The following CHD5 variants were observed in gnomAD, a reference collection of about 807,000 sequenced individuals.
CHD5 encodes chromodomain helicase DNA binding protein 5.
Under a neutral mutation model 230.3 loss-of-function variants are expected in CHD5, and 69 were observed. That is an observed-to-expected ratio of 0.30 (90% CI 0.25 to 0.37). The LOEUF (loss-of-function observed/expected upper bound fraction) is 0.37, where lower values mean the gene tolerates loss of function less well. Among genes scored for constraint, CHD5 ranks in the 10% least tolerant of loss-of-function variants. The pLI, the probability that CHD5 is intolerant of heterozygous loss-of-function variation, is 1.00. For missense variants in CHD5, 1,827 were observed against 2,622.8 expected (o/e 0.70, Z 6.63); for synonymous variants, 1,064 against 1,065.9 (o/e 1.00, Z 0.03).
chr1:6,159,265 TAC>T, intron 3 of CHD5, 69 bp downstream of exon 3: 1 of 1,531,908 alleles, frequency 6.5e-7, no homozygotes, highest in African/African-American at 1.4e-5. Flanking sequence ...ACACAGAACA[TAC>T]AGGCAAGAGG....
At position 6,127,214 on chromosome 1, in the gene CHD5, G is replaced by A. The variant is rs536197808; in HGVS notation, c.3904-468C>T. 338 of 168,446 alleles carry A rather than the reference G, an allele frequency of 2.0e-3. 2 individuals carry two copies. Among genetic ancestry groups the A allele is most frequent in the African/African-American group, 7.7e-3 (321 of 41,694 alleles). 10.4% of individuals were successfully genotyped at this position (168,446 alleles called of 1,614,324 possible). A position where few individuals can be genotyped will look rare whatever the true frequency, so the allele number is the denominator to read the frequency against. On this transcript the variant is annotated intron_variant, in intron 25 of 41. Transcript: ENST00000262450. ...GAGAAAAGTGTGGGGTGGACCAGGCGTGGTGGCTCATTCCTTAACCCCAGA... is the reference window on the plus strand; with the variant it reads ...GAGAAAAGTGTGGGGTGGACCAGGCATGGTGGCTCATTCCTTAACCCCAGA...
At chr1:6,162,534 T>C (rs1667194212) in intron 2 of CHD5, among the ~76,000 whole-genome samples, 1 of 152,132 alleles carries the variant, frequency 6.6e-6, no homozygotes, top group African/African-American at 2.4e-5. Flanking sequence ...CTGGGCCGCC[T>C]TGCTGTGTCC....
At position 6,106,269 on chromosome 1, in the gene CHD5, C is replaced by T; in HGVS notation, c.*11G>A. 6.2e-7 allele frequency: 1 copy of T among 1,612,814 alleles called. No homozygotes were observed. Among genetic ancestry groups the T allele is most frequent in the Non-Finnish European group, 8.5e-7 (1 of 1,179,988 alleles). On this transcript the variant is annotated 3_prime_UTR_variant, in exon 41 of 42. Coordinates refer to ENST00000262450, the MANE Select transcript of CHD5 (RefSeq NM_015557.3). ...AATGAGCGCTGCAACACAGGGAAGT[C>T]TCGAGGACGGCTAGATATCTGTCAA...
intron 1 of CHD5, among the ~76,000 whole-genome samples, chr1:6,175,585 A>G (rs1667413038): frequency 6.7e-6 from 1 of 149,118 alleles, no homozygotes; most frequent in East Asian, 2.0e-4. Flanking sequence ...CAGATGAATG[A>G]ATGGTGGATG....
chr1:6,109,740 C>T (rs1276680371), intron 38 of CHD5, 55 bp downstream of exon 38: 22 of 1,500,278 alleles, frequency 1.5e-5, no homozygotes, highest in Admixed American at 3.6e-5. Flanking sequence ...CAAGAGCGCT[C>T]GCTGGGCAGG....
Position 6,105,576 on chromosome 1 carries a change from CG to C in CHD5, c.*47-150del. 1 of 337,612 alleles carries C rather than the reference CG, an allele frequency of 3.0e-6. No homozygotes were observed. Among genetic ancestry groups the C allele is most frequent in the South Asian group, 2.2e-5 (1 of 45,094 alleles). The allele number at this position is 337,612 out of a possible 1,614,324, so 20.9% of individuals were successfully genotyped here. A position where few individuals can be genotyped will look rare whatever the true frequency, so the allele number is the denominator to read the frequency against. ...CCATGACCTCCCAGCCACAGGCTGC[CG>C]GGCCAGGCCATGAGCTACACCCAGA... On this transcript the variant is annotated intron_variant, in intron 41 of 41. Coordinates refer to ENST00000262450, the MANE Select transcript of CHD5 (RefSeq NM_015557.3). The surrounding 1 kb of genome is among the most constrained non-coding windows in gnomAD (Gnocchi z 4.8).
Position 6,104,978 on chromosome 1 carries a change from G to T in CHD5, c.*496C>A. ...GTAGGGGACACTGAGGGCTCCTAGG[G>T]CACCGGGCGCCATGTCCTCCCCAGC... On this transcript the variant is annotated 3_prime_UTR_variant, in exon 42 of 42. Transcript: ENST00000262450. The T allele has an allele frequency of 4.9e-6, 1 of 205,236 alleles. No individual in the cohort carries two copies. Among genetic ancestry groups the T allele is most frequent in the Non-Finnish European group, 9.9e-6 (1 of 100,512 alleles). 12.7% of individuals were successfully genotyped at this position (205,236 alleles called of 1,614,324 possible).
chr1:6,107,521 C>G (rs111063516), intron 38 of CHD5, among the ~76,000 whole-genome samples: 21,208 of 53,972 alleles, frequency 0.39, 2,760 homozygotes, highest in East Asian at 0.62. Context: ...AGGGATGGAG[C>G]GGTGGAGAGA....
intron 33 of CHD5, among the ~76,000 whole-genome samples, chr1:6,120,578 C>A (rs925832789): frequency 4.0e-5 from 6 of 151,416 alleles, no homozygotes; most frequent in African/African-American, 1.5e-4. Flanking sequence ...CCGAGGCAGG[C>A]GGATCACGAG....
At chr1:6,148,824 C>T (rs1291003299) in intron 9 of CHD5, 30 bp downstream of exon 9, 10 of 1,422,084 alleles carry the variant, frequency 7.0e-6, no homozygotes, top group Non-Finnish European at 8.3e-6. Flanking sequence ...TGGGGCGGGG[C>T]GTCCGGCGCG....
Position 6,168,217 on chromosome 1 carries a change from A to C in CHD5, c.140T>G (p.Leu47Arg). The change falls in exon 2 of 42, where the codon CTT (leucine) becomes CGT (arginine). Residue 47 changes from leucine (L) to arginine (R), a missense_variant. Physicochemically the swap from Leu to Arg is moderately radical, Grantham distance 102. Transcript: ENST00000262450. ...DDFFPVEPVS[L>R]PKKKKPKKLK... The stretch of plus-strand genomic sequence containing the variant: ...CTTCTTGGGTTTCTTCTTCTTAGGA[A>C]GGCTCACGGGCTCCACAGGGAAAAA... The C allele has an allele frequency of 6.2e-7, 1 of 1,612,196 alleles. No homozygotes were observed. Among genetic ancestry groups the C allele is most frequent in the East Asian group, 2.2e-5 (1 of 44,804 alleles).
At chr1:6,127,317 T>C (rs1666574686) in intron 25 of CHD5, among the ~76,000 whole-genome samples, 1 of 151,960 alleles carries the variant, frequency 6.6e-6, no homozygotes, top group African/African-American at 2.4e-5. Flanking sequence ...CAAAGTCCCA[T>C]CTCTACTAAA....
At chr1:6,163,826 T>A (rs761146559) in intron 2 of CHD5, among the ~76,000 whole-genome samples, 1 of 152,188 alleles carries the variant, frequency 6.6e-6, no homozygotes, top group Non-Finnish European at 1.5e-5. Context: ...ACTGCAGGCA[T>A]GAAGATACAG....
intron 38 of CHD5, among the ~76,000 whole-genome samples, chr1:6,107,847 A>C (rs2100828846): frequency 9.2e-6 from 1 of 108,724 alleles, no homozygotes; most frequent in South Asian, 3.5e-4. Context: ...AGGATAATGG[A>C]GAGATGGAGG....
Position 6,112,266 on chromosome 1 carries a change from C to T in CHD5, c.5014G>A (p.Ala1672Thr), listed in dbSNP as rs764136045. 1.9e-6 allele frequency: 3 copies of T among 1,614,162 alleles called. No homozygotes were observed. The highest frequency in any genetic ancestry group is 2.5e-6 in the Non-Finnish European group (3 of 1,179,998). ...GTTTCAATGGGCTCCTTCTCCTCAG[C>T]CTTGGTGTCATCTGCCGGGGACAGA... The part of the protein sequence containing the change: ...SSELRPDDTK[A>T]EEKEPIETQQ... Residue 1672 changes from alanine (A) to threonine (T), a missense_variant, in exon 35 of 42, where the codon GCT becomes ACT. By Grantham distance (58) the Ala-to-Thr change is moderately conservative (BLOSUM62 0). This residue lies in a region of CHD5 where 272 missense variants were observed against 263.2 expected (regional missense o/e 1.03). Transcript: ENST00000262450.
intron 6 of CHD5, 130 bp downstream of exon 6, chr1:6,152,282 T>C (rs1031929861): frequency 9.3e-6 from 9 of 964,888 alleles, no homozygotes; most frequent in Non-Finnish European, 1.4e-5. Context: ...GGAAGGAGAA[T>C]AGTGGAGGGG....
At chr1:6,169,618 G>A (rs1376472213) in intron 1 of CHD5, among the ~76,000 whole-genome samples, 1 of 152,218 alleles carries the variant, frequency 6.6e-6, no homozygotes, top group African/African-American at 2.4e-5. Context: ...GGGGCTGTGG[G>A]GAGGGTCCTC....
chr1:6,128,399 C>G lies in CHD5; in HGVS notation c.3730+100G>C. On this transcript the variant is annotated intron_variant, in intron 24 of 41. Coordinates refer to ENST00000262450, the MANE Select transcript of CHD5 (RefSeq NM_015557.3). The surrounding 1 kb of genome is among the most constrained non-coding windows in gnomAD (Gnocchi z 7.8). Reference sequence around the variant, plus strand: ...CCCCACTCGCCGCCCACCTGGCAGTCCCAGGACGCCCAAGTGAGGGCAGGT... The same window carrying G: ...CCCCACTCGCCGCCCACCTGGCAGTGCCAGGACGCCCAAGTGAGGGCAGGT... The G allele has an allele frequency of 8.6e-7, 1 of 1,167,596 alleles. No individual in the cohort carries two copies. The highest frequency in any genetic ancestry group is 1.2e-6 in the Non-Finnish European group (1 of 801,516). 72.3% of individuals were successfully genotyped at this position (1,167,596 alleles called of 1,614,324 possible).
At chr1:6,162,871 A>G (rs559973759) in intron 2 of CHD5, among the ~76,000 whole-genome samples, 5 of 152,274 alleles carry the variant, frequency 3.3e-5, no homozygotes, top group Admixed American at 3.3e-4. Context: ...TGCTGTGGCA[A>G]CATCTACGGG....
Sources: gnomAD v4.1 joint callset for allele counts (sites outside exome capture counted in the v4.1 genomes callset) on GRCh38, gnomAD v4.1.1 for gene constraint, gnomAD v4.1.1 regional missense constraint, Gnocchi (gnomAD v3.1) non-coding constraint, MANE v1.5 for transcripts, NCBI Gene and HGNC (gene_info 2026-07-23, HGNC 2026-07-21) for gene names.